MYH9: variants seen among roughly 807,000 people sequenced by gnomAD.
MYH9 encodes myosin heavy chain 9.
A neutral mutation model predicts 241.9 loss-of-function variants in MYH9; 29 were observed. The ratio of observed to expected loss-of-function variants is 0.12; its 90% CI spans 0.09 to 0.16. The LOEUF (loss-of-function observed/expected upper bound fraction) is 0.16. MYH9 is among the 10% of genes least tolerant of loss of function. The pLI, the probability that MYH9 is intolerant of heterozygous loss-of-function variation, is 1.00. For missense variants in MYH9, 1,803 were observed against 2,595.5 expected (o/e 0.69, Z 6.63); for synonymous variants, 1,047 against 1,062.6 (o/e 0.99, Z 0.29).
At position 36,298,981 on chromosome 22, in the gene MYH9, T is replaced by G; in HGVS notation, c.3038A>C (p.Glu1013Ala). Residue 1013 changes from glutamate to alanine, a missense_variant, in exon 24 of 41, where the codon GAG becomes GCG. Glu to Ala is a moderately radical substitution (Grantham distance 107, BLOSUM62 -1). Transcript: ENST00000216181. Reference sequence around the variant, plus strand: ...GAGCTTGGCGAGGCTCTTAGATTTCTCCTCCTCTTCTGTGAGGTTGGTGGT... The same window carrying G: ...GAGCTTGGCGAGGCTCTTAGATTTCGCCTCCTCTTCTGTGAGGTTGGTGGT... ...EFTTNLTEEEEKSKSLAKLKN... is the reference protein window; with the variant it reads ...EFTTNLTEEEAKSKSLAKLKN... 3 of 1,614,140 alleles carry G rather than the reference T, an allele frequency of 1.9e-6. No homozygotes were observed. The highest frequency in any genetic ancestry group is 2.5e-6 in the Non-Finnish European group (3 of 1,180,002).
chr22:36,285,544 A>AGC lies in MYH9; in HGVS notation c.5274+112_5274+113dup. The AGC allele has an allele frequency of 6.6e-7, 1 of 1,525,732 alleles. No individual in the cohort carries two copies. 94.5% of individuals were successfully genotyped at this position (1,525,732 alleles called of 1,614,324 possible). A position where few individuals can be genotyped will look rare whatever the true frequency, so the allele number is the denominator to read the frequency against. On this transcript the variant is annotated intron_variant, in intron 37 of 40. Transcript: ENST00000216181. The surrounding 1 kb of genome is among the most constrained non-coding windows in gnomAD (Gnocchi z 7.0). ...CCAGGTGCCTGGACATTTTCCCCTA[A>AGC]GCGCCTGGGGAGCAGCTGGCACTTG...
Position 36,285,815 on chromosome 22 carries a change from C to A in MYH9, c.5151-34G>T, listed in dbSNP as rs777648192. On this transcript the variant is annotated intron_variant, in intron 36 of 40. Coordinates refer to ENST00000216181, the MANE Select transcript of MYH9 (RefSeq NM_002473.6). This position sits in a 1 kb window ranked among gnomAD's most constrained non-coding sequence, Gnocchi z 7.0. ...TGGGCGGGAGAAGTGAGGGGCCTAC[C>A]CTGGGGACACACCTGGTCCCCCCCA... 2 of 1,613,108 alleles carry A rather than the reference C, an allele frequency of 1.2e-6. No individual in the cohort carries two copies. The highest frequency in any genetic ancestry group is 3.3e-5 in the Admixed American group (2 of 59,962).
At chr22:36,322,562 C>A in intron 5 of MYH9, 41 bp from the exon 6 acceptor site, 1 of 1,595,902 alleles carries the variant, frequency 6.3e-7, no homozygotes, top group South Asian at 1.1e-5. Flanking sequence ...CGGGCAGCGA[C>A]CTGGGCTGCC....
At chr22:36,351,981 C>T (rs1196485501) in intron 1 of MYH9, among the ~76,000 whole-genome samples, 1 of 152,150 alleles carries the variant, frequency 6.6e-6, no homozygotes, top group Non-Finnish European at 1.5e-5. Context: ...TGGGAAAGAG[C>T]TGTCTCATCA....
chr22:36,377,589 G>T (rs1024690534), intron 1 of MYH9, among the ~76,000 whole-genome samples: 3 of 152,122 alleles, frequency 2.0e-5, no homozygotes, highest in South Asian at 4.1e-4. Context: ...CAAGGGACAG[G>T]CTTGTTGGAT....
intron 2 of MYH9, among the ~76,000 whole-genome samples, chr22:36,346,014 G>T (rs954125925): frequency 6.6e-6 from 1 of 152,168 alleles, no homozygotes; most frequent in African/African-American, 2.4e-5. Context: ...GGGCATGCTG[G>T]TGGGCACCTG....
chr22:36,370,641 GGT>G (rs1465803947), intron 1 of MYH9, among the ~76,000 whole-genome samples: 1 of 152,166 alleles, frequency 6.6e-6, no homozygotes, highest in Admixed American at 6.5e-5. Context: ...CCTCCTTACC[GGT>G]GTCAAAAGTG....
intron 1 of MYH9, among the ~76,000 whole-genome samples, chr22:36,350,355 T>C (rs1446149972): frequency 6.6e-6 from 1 of 152,236 alleles, no homozygotes; most frequent in South Asian, 2.1e-4. Flanking sequence ...CTGACCAACA[T>C]GGAGAAACCC....
At chr22:36,379,204 C>T (rs192612971) in intron 1 of MYH9, among the ~76,000 whole-genome samples, 7 of 152,178 alleles carry the variant, frequency 4.6e-5, no homozygotes, top group African/African-American at 1.7e-4. Context: ...GCTCCCCCAA[C>T]ACATTAAAAA....
intron 7 of MYH9, among the ~76,000 whole-genome samples, chr22:36,321,217 T>C (rs1227724416): frequency 6.6e-6 from 1 of 152,156 alleles, no homozygotes; most frequent in East Asian, 1.9e-4. Flanking sequence ...AGTGTTGGGA[T>C]TACAGGCGTG....
intron 34 of MYH9, 60 bp from the exon 35 acceptor site, chr22:36,286,906 T>G (rs550601149): frequency 6.3e-7 from 1 of 1,598,844 alleles, no homozygotes; most frequent in East Asian, 2.2e-5. Flanking sequence ...ACCCCAACCC[T>G]CATGGGTCAC....
rs146501865 is a variant in MYH9 at position 36,304,927 on chromosome 22, G to T, written c.2229+106C>A. ...CGGAGCATCAGAAGGGACACAGCCT[G>T]GGCATCCACCGACCACTGATATAGC... On this transcript the variant is annotated intron_variant, in intron 18 of 40. Coordinates refer to ENST00000216181, the MANE Select transcript of MYH9 (RefSeq NM_002473.6). 3.1e-5 allele frequency: 35 copies of T among 1,131,724 alleles called. No homozygotes were observed. The African/African-American group carries it at 4.6e-4, about 15-fold the overall frequency. The allele number at this position is 1,131,724 out of a possible 1,614,324, so 70.1% of individuals were successfully genotyped here.
intron 14 of MYH9, among the ~76,000 whole-genome samples, chr22:36,310,621 C>T (rs1435642333): frequency 1.3e-5 from 2 of 152,212 alleles, no homozygotes; most frequent in Non-Finnish European, 2.9e-5. Context: ...TGCTGTTTAT[C>T]ATGAGGTAGG....
rs764441469 is a variant in MYH9, at chr22:36,285,367, G to A, written c.5275-38C>T. ...GGCCAGTGACCTTGGGGAGGGCTGGGGCCCTGGCTGGAGGGCATGAGCAGG... is the reference window on the plus strand; with the variant it reads ...GGCCAGTGACCTTGGGGAGGGCTGGAGCCCTGGCTGGAGGGCATGAGCAGG... On this transcript the variant is annotated intron_variant, in intron 37 of 40. Coordinates refer to ENST00000216181, the MANE Select transcript of MYH9 (RefSeq NM_002473.6). The surrounding 1 kb of genome is among the most constrained non-coding windows in gnomAD (Gnocchi z 7.0). The A allele has an allele frequency of 6.3e-7, 1 of 1,594,498 alleles. No homozygotes were observed. The highest frequency in any genetic ancestry group is 1.7e-5 in the Admixed American group (1 of 60,018).
chr22:36,336,494 C>T (rs1448517665), intron 3 of MYH9, among the ~76,000 whole-genome samples: 1 of 152,284 alleles, frequency 6.6e-6, no homozygotes, highest in Non-Finnish European at 1.5e-5. Context: ...AACGTTTACG[C>T]TCTCTCACTC....
At position 36,318,347 on chromosome 22, in the gene MYH9, G is replaced by A. The variant is rs778008601; in HGVS notation, c.1109-22C>T. ...GCAGCTAAGATTTTTCAGAGAATAA[G>A]AGAGGGACAAAAAGTCCTAATTAGA... On this transcript the variant is annotated intron_variant, in intron 10 of 40. Transcript: ENST00000216181. The A allele has an allele frequency of 4.4e-6, 7 of 1,579,740 alleles. No homozygotes were observed. The Admixed American group carries it at 5.0e-5, about 11-fold the overall frequency.
chr22:36,318,659 C>T (rs530898916), intron 10 of MYH9, among the ~76,000 whole-genome samples: 454 of 152,324 alleles, frequency 3.0e-3, no homozygotes, highest in Non-Finnish European at 4.4e-3. Context: ...CCACTCTCAG[C>T]CGCACTCCTC....
In MYH9 at chr22:36,285,920, C is replaced by T. The variant is rs777009050; in HGVS notation, c.5095G>A (p.Ala1699Thr). The change falls in exon 36 of 41, where the codon GCC (alanine) becomes ACC (threonine). Residue 1699 changes from alanine to threonine, a missense_variant. By Grantham distance (58) the Ala-to-Thr change is moderately conservative (BLOSUM62 0). Coordinates refer to ENST00000216181, the MANE Select transcript of MYH9 (RefSeq NM_002473.6). This position sits in a 1 kb window ranked among gnomAD's most constrained non-coding sequence, Gnocchi z 7.0. ...GCCAGCTCATCCCGCTCCTGCTGGGCCTGGCGCTTGGCACGCTCCGCGGCT... is the reference window on the plus strand; with the variant it reads ...GCCAGCTCATCCCGCTCCTGCTGGGTCTGGCGCTTGGCACGCTCCGCGGCT... Reference protein sequence around the residue: ...LAAAERAKRQAQQERDELADE... With the variant: ...LAAAERAKRQTQQERDELADE... 6 of 1,612,704 alleles carry T rather than the reference C, an allele frequency of 3.7e-6. No individual in the cohort carries two copies. Among genetic ancestry groups the T allele is most frequent in the Non-Finnish European group, 5.1e-6 (6 of 1,180,004 alleles).
Position 36,293,212 on chromosome 22 carries a change from G to C in MYH9, c.4095+117C>G, listed in dbSNP as rs1603482901. On this transcript the variant is annotated intron_variant, in intron 30 of 40. Transcript: ENST00000216181. This position sits in a 1 kb window ranked among gnomAD's most constrained non-coding sequence, Gnocchi z 5.1. ...TGGGAGAGCACGGTTGGCTTCCCAG[G>C]GGGAGAGCAGCAATGGGCCGGCCCA... 1.4e-6 allele frequency: 2 copies of C among 1,382,376 alleles called. No individual in the cohort carries two copies. The highest frequency in any genetic ancestry group is 2.0e-6 in the Non-Finnish European group (2 of 997,434). 85.6% of individuals were successfully genotyped at this position (1,382,376 alleles called of 1,614,324 possible).
Sources: allele counts gnomAD v4.1 joint callset (sites outside exome capture counted in the v4.1 genomes callset), GRCh38; gene constraint gnomAD v4.1.1; non-coding constraint Gnocchi (gnomAD v3.1); transcripts MANE v1.5; gene names NCBI Gene and HGNC (gene_info 2026-07-23, HGNC 2026-07-21).